NFXL1: variants seen among roughly 807,000 people sequenced by gnomAD.
The protein encoded by NFXL1 is NF-X1-type zinc finger protein NFXL1.
In NFXL1, 66 loss-of-function variants were observed where a neutral mutation model predicts 123.3. That is an observed-to-expected ratio of 0.54 (90% CI 0.44 to 0.66). The LOEUF is 0.66. Among genes scored for constraint, NFXL1 ranks in the 30% least tolerant of loss-of-function variants. The pLI is 0.00. For synonymous variants in NFXL1, 346 were observed against 360.8 expected (o/e 0.96, Z 0.46); for missense variants, 944 against 1,125.6 (o/e 0.84, Z 2.31).
intron 3 of NFXL1, among the ~76,000 whole-genome samples, chr4:47,906,931 G>A (rs1231059924): frequency 6.6e-6 from 1 of 152,188 alleles, no homozygotes; most frequent in African/African-American, 2.4e-5. Context: ...AAGACTGAAA[G>A]CTGGAAGTAC....
At chr4:47,848,938 G>C in intron 22 of NFXL1, among the ~76,000 whole-genome samples, 1 of 151,872 alleles carries the variant, frequency 6.6e-6, no homozygotes, top group East Asian at 1.9e-4. Flanking sequence ...ATTAAATCAG[G>C]ATGCTCTAAA....
intron 18 of NFXL1, among the ~76,000 whole-genome samples, chr4:47,873,818 T>G (rs1365207388): frequency 6.6e-6 from 1 of 152,204 alleles, no homozygotes; most frequent in African/African-American, 2.4e-5. Flanking sequence ...AAGTCCTAGA[T>G]AGCATTTTCT....
intron 18 of NFXL1, among the ~76,000 whole-genome samples, chr4:47,872,017 A>T (rs891394973): frequency 2.0e-5 from 3 of 152,128 alleles, no homozygotes; most frequent in Non-Finnish European, 2.9e-5. Flanking sequence ...TAAAAGGGAA[A>T]TTTTTTTCTT....
intron 17 of NFXL1, 79 bp from the exon 18 acceptor site, chr4:47,875,372 T>A (rs1262384527): frequency 4.9e-6 from 5 of 1,010,382 alleles, no homozygotes; most frequent in Non-Finnish European, 5.7e-6. Context: ...ATAAAATTTA[T>A]ATATCCCATT....
rs114380810 is a variant in NFXL1, at chr4:47,878,917, C to T, written c.1938+179G>A. ...TCTGTAGTGAATGCATATCCACAGGCTAATTCTCAAATAAAGGCACTACAT... is the reference window on the plus strand; with the variant it reads ...TCTGTAGTGAATGCATATCCACAGGTTAATTCTCAAATAAAGGCACTACAT... On this transcript the variant is annotated intron_variant, in intron 16 of 22. Transcript: ENST00000507489. Among the ~76,000 whole-genome samples, 944 of 152,196 alleles carry T rather than the reference C, an allele frequency of 6.2e-3. 3 individuals are homozygous for T. Among genetic ancestry groups the T allele is most frequent in the South Asian group, 0.017 (80 of 4,818 alleles).
In NFXL1 at chr4:47,884,756, A is replaced by T. The variant is rs1285558127; in HGVS notation, c.1825-319T>A. On this transcript the variant is annotated intron_variant, in intron 14 of 22. Coordinates refer to ENST00000507489, the MANE Select transcript of NFXL1 (RefSeq NM_001278624.2). ...ACTCCAACATCTAGCAATTGAATAT[A>T]ATCTCCATCATTTTACTCACTGTTG... Among the ~76,000 whole-genome samples, 4 of 152,208 alleles carry T rather than the reference A, an allele frequency of 2.6e-5. No homozygotes were observed. In the East Asian group the frequency reaches 7.7e-4, roughly 29 times the overall value.
intron 15 of NFXL1, among the ~76,000 whole-genome samples, 159 bp downstream of exon 15, chr4:47,884,187 T>C (rs1460941470): frequency 6.6e-6 from 1 of 152,184 alleles, no homozygotes; most frequent in Non-Finnish European, 1.5e-5. Flanking sequence ...CAAACATGTT[T>C]GAAAAGAATG....
chr4:47,864,499 C>CT (rs1734943761), intron 18 of NFXL1, among the ~76,000 whole-genome samples: 1 of 152,136 alleles, frequency 6.6e-6, no homozygotes, highest in African/African-American at 2.4e-5. Context: ...GTCCCATACT[C>CT]TGGAAGAAGG....
chr4:47,910,996 T>C lies in NFXL1; in HGVS notation c.236-2A>G, dbSNP rs1445806667. The stretch of plus-strand genomic sequence containing the variant: ...CAAATTTTTTCTGAGACATTAGCTC[T>C]GTTTAAAAGAAAAAAGTTTCATTTC... On this transcript the variant is annotated splice_acceptor_variant, in intron 2 of 22. Transcript: ENST00000507489. LOFTEE classifies it high-confidence loss of function. The C allele has an allele frequency of 6.5e-7, 1 of 1,536,438 alleles. No individual in the cohort carries two copies. The highest frequency in any genetic ancestry group is 8.8e-7 in the Non-Finnish European group (1 of 1,142,626).
At chr4:47,855,573 G>A (rs1013105140) in intron 19 of NFXL1, among the ~76,000 whole-genome samples, 1 of 151,840 alleles carries the variant, frequency 6.6e-6, no homozygotes, top group Non-Finnish European at 1.5e-5. Context: ...AGCGGTAATG[G>A]AAACCATATG....
chr4:47,849,803 G>C (rs562893269), intron 22 of NFXL1, among the ~76,000 whole-genome samples: 5 of 152,110 alleles, frequency 3.3e-5, no homozygotes, highest in Non-Finnish European at 2.9e-5. Context: ...GGATGATCAA[G>C]TCTCTACATA....
At chr4:47,859,022 T>G (rs955937529) in intron 19 of NFXL1, among the ~76,000 whole-genome samples, 1 of 152,222 alleles carries the variant, frequency 6.6e-6, no homozygotes, top group Non-Finnish European at 1.5e-5. Flanking sequence ...AAAGTTGACT[T>G]GAATGCATAA....
rs750002785 is a variant in NFXL1, at chr4:47,899,541, A to G, written c.655T>C (p.Cys219Arg). 1 of 1,605,744 alleles carries G rather than the reference A, an allele frequency of 6.2e-7. No homozygotes were observed. The highest frequency in any genetic ancestry group is 1.3e-5 in the African/African-American group (1 of 74,708). ...TCAGATCGTTTGTATTCAAACCTACATTTTGGACTACAAAGAAGAAGAAAA... is the reference window on the plus strand; with the variant it reads ...TCAGATCGTTTGTATTCAAACCTACGTTTTGGACTACAAAGAAGAAGAAAA... Reference protein sequence around the residue: ...KKDCPWPCPKCRFEYKRSETP... With the variant: ...KKDCPWPCPKRRFEYKRSETP... Residue 219 changes from cysteine (C) to arginine (R), a missense_variant, in exon 6 of 23, where the codon TGT becomes CGT. Cys to Arg is a radical substitution (Grantham distance 180). Around this residue, in one of 4 missense-constraint regions of NFXL1, gnomAD observed 303 missense variants for 292.1 expected, o/e 1.04. Transcript: ENST00000507489.
chr4:47,908,110 C>T (rs2053405), intron 3 of NFXL1, among the ~76,000 whole-genome samples: 4 of 152,216 alleles, frequency 2.6e-5, no homozygotes, highest in African/African-American at 9.6e-5. Context: ...AGGTGAAATA[C>T]ATCGATCCTT....
intron 18 of NFXL1, among the ~76,000 whole-genome samples, chr4:47,868,677 C>T (rs901873278): frequency 6.6e-6 from 1 of 151,434 alleles, no homozygotes; most frequent in African/African-American, 2.4e-5. Flanking sequence ...ATAATACAAA[C>T]AGTAATCATA....
At chr4:47,908,778 A>AC (rs1202901668) in intron 3 of NFXL1, among the ~76,000 whole-genome samples, 1 of 151,504 alleles carries the variant, frequency 6.6e-6, no homozygotes, top group Non-Finnish European at 1.5e-5. Context: ...ACACAGTAAA[A>AC]CCCCGTCTCT....
chr4:47,851,659 C>G (rs900751132), intron 21 of NFXL1, among the ~76,000 whole-genome samples, 197 bp downstream of exon 21: 2 of 151,880 alleles, frequency 1.3e-5, no homozygotes, highest in South Asian at 4.2e-4. Flanking sequence ...TTATAACGGG[C>G]ATAGAAGATG....
In NFXL1 at chr4:47,908,166, G is replaced by A. The variant is rs73244443; in HGVS notation, c.406+2658C>T. Among the ~76,000 whole-genome samples the A allele has an allele frequency of 2.6e-3, 400 of 152,264 alleles. 1 individual carries two copies. Among genetic ancestry groups the A allele is most frequent in the Non-Finnish European group, 3.9e-3 (265 of 68,024 alleles). ...CTCTCAGCCAGGCACAGTGGCTCAC[G>A]CCTGCCACTTTGGGAAGCTGAGGTG... is the stretch of plus-strand genomic sequence containing the variant. On this transcript the variant is annotated intron_variant, in intron 3 of 22. Transcript: ENST00000507489.
intron 11 of NFXL1, 72 bp downstream of exon 11, chr4:47,894,108 C>T (rs1052065657): frequency 4.3e-5 from 52 of 1,202,904 alleles, no homozygotes; most frequent in Admixed American, 6.8e-5. Flanking sequence ...CAAGACAGCA[C>T]TTATTTGGGC....
Sources: allele counts gnomAD v4.1 joint callset (sites outside exome capture counted in the v4.1 genomes callset), GRCh38; gene constraint gnomAD v4.1.1; regional missense constraint gnomAD v4.1.1; transcripts MANE v1.5; gene names NCBI Gene and HGNC (gene_info 2026-07-23, HGNC 2026-07-21).